CNGB3: variants seen among roughly 807,000 people sequenced by gnomAD.
CNGB3 encodes the protein cyclic nucleotide-gated channel beta-3.
In CNGB3, 86 loss-of-function variants were observed where a neutral mutation model predicts 92.8. The ratio of observed to expected loss-of-function variants is 0.93; its 90% confidence interval spans 0.78 to 1.11. The LOEUF (loss-of-function observed/expected upper bound fraction) is 1.11. Among genes scored for constraint, CNGB3 ranks in the 50% least tolerant of loss-of-function variants. The pLI is 0.00. For missense variants in CNGB3, 1,026 were observed against 956.8 expected, an observed-to-expected ratio of 1.07 and a Z score of -0.95; for synonymous variants, 333 against 332.7, an observed-to-expected ratio of 1.00 and a Z score of -0.01.
At chr8:86,612,403 A>G (rs545281985) in intron 13 of CNGB3, among the ~76,000 whole-genome samples, 1 of 152,092 alleles carries the variant, frequency 6.6e-6, no homozygotes, top group African/African-American at 2.4e-5. Flanking sequence ...ACAAATATAT[A>G]TTTTTTCATT....
At chr8:86,608,925 C>T (rs1229395065) in intron 14 of CNGB3, among the ~76,000 whole-genome samples, 4 of 152,110 alleles carry the variant, frequency 2.6e-5, no homozygotes, top group Non-Finnish European at 2.9e-5. Flanking sequence ...GGTAGTGGTC[C>T]CCCGGGCCCA....
At chr8:86,638,332 C>T (rs1166350376) in intron 10 of CNGB3, among the ~76,000 whole-genome samples, 1 of 152,076 alleles carries the variant, frequency 6.6e-6, no homozygotes, top group Non-Finnish European at 1.5e-5. Context: ...ATTTCACATT[C>T]CCTCTAACAA....
chr8:86,593,661 G>A (rs1822104095), intron 15 of CNGB3: 8 of 566,078 alleles, frequency 1.4e-5, no homozygotes, highest in Non-Finnish European at 2.3e-5. Flanking sequence ...GGACCCTAAT[G>A]GTGTCTGTCT....
intron 6 of CNGB3, among the ~76,000 whole-genome samples, chr8:86,665,918 T>C (rs2131614050): frequency 6.6e-6 from 1 of 152,306 alleles, no homozygotes; most frequent in East Asian, 1.9e-4. Flanking sequence ...AAAAGGGTCA[T>C]GAAAGCTTTG....
chr8:86,615,880 T>G (rs956566173), intron 13 of CNGB3, among the ~76,000 whole-genome samples: 13 of 152,240 alleles, frequency 8.5e-5, no homozygotes, highest in African/African-American at 3.1e-4. Context: ...TGGGGAGAAC[T>G]GATGAAACTT....
Position 86,682,777 on chromosome 8 carries a change from A to G in CNGB3, c.339-11679T>C, listed in dbSNP as rs140195806. 1.1e-4 allele frequency among the ~76,000 whole-genome samples: 16 copies of G among 152,304 alleles called. No individual in the cohort carries two copies. The East Asian group carries it at 2.3e-3, about 22-fold the overall frequency. ...CATGTGAGGCTTAGAGAAACCAGAAAGAGCACAGACAGAAGGAAATCAGAG... is the reference window on the plus strand; with the variant it reads ...CATGTGAGGCTTAGAGAAACCAGAAGGAGCACAGACAGAAGGAAATCAGAG... On this transcript the variant is annotated intron_variant, in intron 3 of 17. Transcript: ENST00000320005.
At chr8:86,638,695 C>T (rs1376664746) in intron 10 of CNGB3, among the ~76,000 whole-genome samples, 3 of 152,034 alleles carry the variant, frequency 2.0e-5, no homozygotes, top group Non-Finnish European at 2.9e-5. Context: ...GAATGCATAC[C>T]TAGACTTACT....
intron 1 of CNGB3, 81 bp from the exon 2 acceptor site, chr8:86,739,817 A>G: frequency 1.4e-6 from 2 of 1,457,750 alleles, no homozygotes; most frequent in Non-Finnish European, 1.9e-6. Context: ...ACCATTTTCC[A>G]CTTAATTGTC....
chr8:86,690,355 G>A (rs985199925), intron 3 of CNGB3, among the ~76,000 whole-genome samples: 2 of 152,168 alleles, frequency 1.3e-5, no homozygotes, highest in African/African-American at 4.8e-5. Flanking sequence ...CTGCATAAAT[G>A]TCTTCTTTTG....
chr8:86,718,751 C>T (rs1205995745), intron 3 of CNGB3, among the ~76,000 whole-genome samples: 1 of 152,068 alleles, frequency 6.6e-6, no homozygotes, highest in Non-Finnish European at 1.5e-5. Flanking sequence ...CCCTGATGAA[C>T]ATATATGCAA....
At chr8:86,645,048 G>C (rs1281480572) in intron 8 of CNGB3, among the ~76,000 whole-genome samples, 2 of 151,326 alleles carry the variant, frequency 1.3e-5, no homozygotes, top group East Asian at 3.9e-4. Context: ...CATAAAAGAG[G>C]AAAAGTATAA....
At position 86,694,164 on chromosome 8, in the gene CNGB3, CG is replaced by C. The variant is rs1179800436; in HGVS notation, c.339-23067del. On this transcript the variant is annotated intron_variant, in intron 3 of 17. Transcript: ENST00000320005. Reference sequence around the variant, plus strand: ...CTCCCTCCTGGACGGGGCGGCTGGCCGGGCGGGGGGCTGACCCCCCCCACCT... The same window carrying C: ...CTCCCTCCTGGACGGGGCGGCTGGCCGGCGGGGGGCTGACCCCCCCCACCT... 2.5e-5 allele frequency among the ~76,000 whole-genome samples: 3 copies of C among 121,688 alleles called. No individual in the cohort carries two copies. The East Asian group carries it at 7.3e-4, about 30-fold the overall frequency. 79.8% of individuals were successfully genotyped at this position (121,688 alleles called of 152,430 possible).
chr8:86,665,216 A>C (rs376015344), intron 6 of CNGB3, among the ~76,000 whole-genome samples: 1 of 152,192 alleles, frequency 6.6e-6, no homozygotes, highest in Non-Finnish European at 1.5e-5. Context: ...CCACAATGAG[A>C]TACCATCTCA....
chr8:86,711,295 T>A (rs1441640058), intron 3 of CNGB3, among the ~76,000 whole-genome samples: 2 of 152,184 alleles, frequency 1.3e-5, no homozygotes, highest in African/African-American at 4.8e-5. Context: ...GATTTTTGCC[T>A]GCCTGCGTCA....
At chr8:86,625,924 A>C in intron 13 of CNGB3, 59 bp downstream of exon 13, 1 of 1,362,256 alleles carries the variant, frequency 7.3e-7, no homozygotes, top group Non-Finnish European at 1.0e-6. Context: ...TGTATAAATC[A>C]AGAGCTTAGA....
intron 15 of CNGB3, among the ~76,000 whole-genome samples, chr8:86,582,184 C>A (rs1327098109): frequency 2.0e-5 from 3 of 151,970 alleles, no homozygotes; most frequent in Non-Finnish European, 4.4e-5. Flanking sequence ...CACTTGAGCT[C>A]AGAGTTCAAG....
chr8:86,688,374 T>TG (rs937237330), intron 3 of CNGB3, among the ~76,000 whole-genome samples: 75 of 152,140 alleles, frequency 4.9e-4, no homozygotes, highest in African/African-American at 1.6e-3. Flanking sequence ...AAGCCTTAAT[T>TG]TTTTTCAGGA....
At chr8:86,653,915 G>C (rs1014855559) in intron 7 of CNGB3, 97 bp downstream of exon 7, 1 of 846,134 alleles carries the variant, frequency 1.2e-6, no homozygotes. Context: ...ATAAAACTTC[G>C]TATGTACAAA....
chr8:86,591,494 A>G (rs1356831444), intron 15 of CNGB3, among the ~76,000 whole-genome samples: 1 of 148,938 alleles, frequency 6.7e-6, no homozygotes, highest in Non-Finnish European at 1.5e-5. Context: ...GTCTTTGATG[A>G]TGGTGATGTA....
Sources: allele counts gnomAD v4.1 joint callset (sites outside exome capture counted in the v4.1 genomes callset), GRCh38; gene constraint gnomAD v4.1.1; transcripts MANE v1.5; gene names NCBI Gene and HGNC (gene_info 2026-07-23, HGNC 2026-07-21).